AK8: variants seen among roughly 807,000 people sequenced by gnomAD.
AK8 encodes the protein ATP-AMP transphosphorylase 8.
AK8 carries 44 observed loss-of-function variants against 54.6 expected under a neutral mutation model. The ratio of observed to expected loss-of-function variants is 0.81; its 90% confidence interval spans 0.63 to 1.04. The LOEUF (loss-of-function observed/expected upper bound fraction) is 1.04. Ranked by LOEUF, AK8 falls within the 50% of genes least tolerant of loss-of-function variation. AK8 has a pLI of 0.00. For synonymous variants in AK8, 239 were observed against 245.6 expected (o/e 0.97, Z 0.25); for missense variants, 555 against 613.6 (o/e 0.90, Z 1.01).
chr9:132,731,108 C>T (rs1373742410), intron 11 of AK8, among the ~76,000 whole-genome samples: 1 of 152,210 alleles, frequency 6.6e-6, no homozygotes, highest in African/African-American at 2.4e-5. Context: ...AGCTCAAAAT[C>T]CCTAAAGTCT....
In AK8 at chr9:132,727,401, G is replaced by T; in HGVS notation, c.1202+53C>A. The T allele has an allele frequency of 1.9e-6, 3 of 1,550,136 alleles. No homozygotes were observed. In the South Asian group the frequency reaches 3.3e-5, roughly 17 times the overall value. Reference sequence around the variant, plus strand: ...ACCATGGCATTGGTCAGTCAGTTGGGTCTGGCCCCTGGCAGTCCCCAGACT... The same window carrying T: ...ACCATGGCATTGGTCAGTCAGTTGGTTCTGGCCCCTGGCAGTCCCCAGACT... On this transcript the variant is annotated intron_variant, in intron 12 of 12. Transcript: ENST00000298545.
At chr9:132,732,864 T>C (rs191650311) in intron 11 of AK8, among the ~76,000 whole-genome samples, 1 of 152,272 alleles carries the variant, frequency 6.6e-6, no homozygotes, top group African/African-American at 2.4e-5. Flanking sequence ...GGACACATCA[T>C]ATATCCAGTT....
At chr9:132,832,218 C>A (rs1842137343) in intron 5 of AK8, among the ~76,000 whole-genome samples, 1 of 148,274 alleles carries the variant, frequency 6.7e-6, no homozygotes, top group African/African-American at 2.5e-5. Flanking sequence ...AGCAAGCTTT[C>A]ATTAATTTCT....
At chr9:132,852,930 G>A (rs753737947) in intron 5 of AK8, among the ~76,000 whole-genome samples, 18 of 151,942 alleles carry the variant, frequency 1.2e-4, no homozygotes, top group Non-Finnish European at 1.9e-4. Flanking sequence ...AGGAAGTTAC[G>A]TGAAGAAATA....
rs146874552 is a variant in AK8, at chr9:132,725,767, T to C, written c.1361A>G (p.Asn454Ser). 1.1e-4 allele frequency: 173 copies of C among 1,599,554 alleles called. No individual in the cohort carries two copies. Among genetic ancestry groups the C allele is most frequent in the Non-Finnish European group, 1.3e-4 (154 of 1,173,310 alleles). The change falls in exon 13 of 13, where the codon AAT (asparagine) becomes AGT (serine). Residue 454 changes from asparagine (N) to serine (S), a missense_variant. Asn to Ser is a conservative substitution (Grantham distance 46). Coordinates refer to ENST00000298545, the MANE Select transcript of AK8 (RefSeq NM_152572.3). ...GACTGTGTATGGGTCCTGGTCCCCA[T>C]TGAGGGTGATGGCCGACCCATACAA... Reference protein sequence around the residue: ...EQLYGSAITLNGDQDPYTVFE... With the variant: ...EQLYGSAITLSGDQDPYTVFE...
At chr9:132,818,138 A>G (rs1480497522) in intron 9 of AK8, among the ~76,000 whole-genome samples, 3 of 152,238 alleles carry the variant, frequency 2.0e-5, no homozygotes, top group African/African-American at 7.2e-5. Context: ...AAAAATGAAG[A>G]TGAAATCATA....
intron 11 of AK8, among the ~76,000 whole-genome samples, chr9:132,765,371 T>C (rs1838684928): frequency 6.6e-6 from 1 of 150,608 alleles, no homozygotes; most frequent in South Asian, 2.1e-4. Context: ...GTTCGATATA[T>C]GCAAATCAAT....
At chr9:132,764,197 C>A (rs1838616484) in intron 11 of AK8, among the ~76,000 whole-genome samples, 1 of 152,156 alleles carries the variant, frequency 6.6e-6, no homozygotes, top group Non-Finnish European at 1.5e-5. Flanking sequence ...ATAGTCCTAG[C>A]TACTCAGGAG....
chr9:132,750,222 G>A (rs1288092783), intron 11 of AK8, among the ~76,000 whole-genome samples: 3 of 151,764 alleles, frequency 2.0e-5, no homozygotes, highest in Admixed American at 6.6e-5. Context: ...GGGTTCAAGC[G>A]ATTCTCCTGC....
chr9:132,748,968 G>A lies in AK8; in HGVS notation c.1122-21434C>T, dbSNP rs550527238. Among the ~76,000 whole-genome samples the A allele has an allele frequency of 1.5e-3, 224 of 151,782 alleles. 7 individuals are homozygous for A. Among genetic ancestry groups the A allele is most frequent in the Non-Finnish European group, 2.6e-3 (175 of 67,802 alleles). ...CGGCTCACTGCAACCTCCGCCTCCC[G>A]GGTTCAAGCGATTCTCTTGCCTCAG... is the stretch of plus-strand genomic sequence containing the variant. On this transcript the variant is annotated intron_variant, in intron 11 of 12. Transcript: ENST00000298545.
chr9:132,726,208 CTCCTTCCCTCCTTCCT>C (rs1009737277), intron 12 of AK8, among the ~76,000 whole-genome samples: 18 of 151,744 alleles, frequency 1.2e-4, no homozygotes, highest in Admixed American at 6.6e-4. Context: ...TCCTCCCTCC[CTCCTTCCCTCCTTCCT>C]TCCTTCCCTC....
rs1193719093 is a variant in AK8 at position 132,837,591 on chromosome 9, C to T, written c.403-8865G>A. On this transcript the variant is annotated intron_variant, in intron 5 of 12. Coordinates refer to ENST00000298545, the MANE Select transcript of AK8 (RefSeq NM_152572.3). The surrounding 1 kb of genome is among the most constrained non-coding windows in gnomAD (Gnocchi z 4.3). ...GTCCTGCATTTGATCATCTCTTTTT[C>T]CTCTTCTACTGCAGTGAGAGGGATG... Among the ~76,000 whole-genome samples the T allele has an allele frequency of 1.3e-5, 2 of 152,170 alleles. No homozygotes were observed. Among genetic ancestry groups the T allele is most frequent in the East Asian group, 3.9e-4 (2 of 5,188 alleles).
intron 11 of AK8, among the ~76,000 whole-genome samples, chr9:132,761,005 A>G (rs886873607): frequency 6.6e-6 from 1 of 152,060 alleles, no homozygotes; most frequent in Non-Finnish European, 1.5e-5. Context: ...TCTTATTTAT[A>G]TTATCTTTGG....
chr9:132,827,076 G>A (rs1473803062), intron 7 of AK8, 22 bp from the exon 8 acceptor site: 10 of 1,611,338 alleles, frequency 6.2e-6, no homozygotes, highest in African/African-American at 2.7e-5. Context: ...GAGGTGCACA[G>A]TTAGAAATGG....
At chr9:132,833,067 T>C (rs2771987) in intron 5 of AK8, among the ~76,000 whole-genome samples, 114,203 of 152,118 alleles carry the variant, frequency 0.75, 43,186 homozygotes, top group South Asian at 0.86. Context: ...GCTCTTCCTC[T>C]CTGCGCCAGC....
intron 11 of AK8, among the ~76,000 whole-genome samples, chr9:132,731,923 CCA>C (rs1242286704): frequency 7.2e-5 from 11 of 152,290 alleles, no homozygotes; most frequent in African/African-American, 2.4e-4. Context: ...TTTCAGATGA[CCA>C]CAGTTATAAA....
intron 10 of AK8, among the ~76,000 whole-genome samples, chr9:132,797,276 C>T (rs959400245): frequency 1.3e-5 from 2 of 151,168 alleles, no homozygotes; most frequent in Non-Finnish European, 2.9e-5. Context: ...ACTGGGCCCA[C>T]GGAAAGCATC....
intron 5 of AK8, among the ~76,000 whole-genome samples, chr9:132,852,706 G>A (rs1843012904): frequency 7.0e-6 from 1 of 142,986 alleles, no homozygotes; most frequent in Non-Finnish European, 1.5e-5. Context: ...GGAGGCAGAG[G>A]TTGCAGTGAG....
In AK8 at chr9:132,799,630, C is replaced by T. The variant is rs372122444; in HGVS notation, c.980-6855G>A. ...ACACACACACCACACACCCCCACAC[C>T]CCTACACCCCACCACGTGCACAACA... On this transcript the variant is annotated intron_variant, in intron 10 of 12. Transcript: ENST00000298545. The surrounding 1 kb of genome is among the most constrained non-coding windows in gnomAD (Gnocchi z 5.0). 7.9e-5 allele frequency among the ~76,000 whole-genome samples: 12 copies of T among 151,928 alleles called. No homozygotes were observed. The highest frequency in any genetic ancestry group is 2.7e-4 in the African/African-American group (11 of 41,422).
Sources: allele counts gnomAD v4.1 joint callset (sites outside exome capture counted in the v4.1 genomes callset), GRCh38; gene constraint gnomAD v4.1.1; non-coding constraint Gnocchi (gnomAD v3.1); transcripts MANE v1.5; gene names NCBI Gene and HGNC (gene_info 2026-07-23, HGNC 2026-07-21).